CFAP90: variants seen among roughly 807,000 people sequenced by gnomAD.
The protein encoded by CFAP90 is cilia- and flagella-associated protein 90.
chr5:7,843,863 T>C, the CFAP90 span, among the ~76,000 whole-genome samples: 1 of 152,262 alleles, frequency 6.6e-6, no homozygotes, highest in Non-Finnish European at 1.5e-5. Context: ...AATATATGTG[T>C]CCATATTTGT....
chr5:7,845,791 T>C, the CFAP90 span, among the ~76,000 whole-genome samples: 1 of 152,066 alleles, frequency 6.6e-6, no homozygotes, highest in Non-Finnish European at 1.5e-5. Flanking sequence ...ACATTTTTGC[T>C]GGCAGCTTTA....
At chr5:7,838,790 C>A in the CFAP90 span, among the ~76,000 whole-genome samples, 1 of 152,084 alleles carries the variant, frequency 6.6e-6, no homozygotes, top group African/African-American at 2.4e-5. Context: ...AGAACTGAAC[C>A]CCTGGGAGAA....
At chr5:7,840,341 G>A in the CFAP90 span, among the ~76,000 whole-genome samples, 1 of 152,162 alleles carries the variant, frequency 6.6e-6, no homozygotes, top group Non-Finnish European at 1.5e-5. Flanking sequence ...TAGAGTGGAG[G>A]CCTCCAGTTT....
At chr5:7,850,846 G>T in the CFAP90 span, 1 of 1,267,412 alleles carries the variant, frequency 7.9e-7, no homozygotes. Context: ...CCAGCCTTCC[G>T]GTCTCCGCGC....
At chr5:7,850,738 C>G in the CFAP90 span, 1 of 906,786 alleles carries the variant, frequency 1.1e-6, no homozygotes, top group Non-Finnish European at 1.4e-6. Flanking sequence ...AAGACCCTTC[C>G]GCTGGGGTGA....
chr5:7,836,640 G>A, the CFAP90 span, among the ~76,000 whole-genome samples: 1 of 152,152 alleles, frequency 6.6e-6, no homozygotes. Flanking sequence ...CAATGGTCTG[G>A]GAGAAAGTCT....
the CFAP90 span, chr5:7,831,076 G>A: frequency 6.6e-6 from 1 of 152,194 alleles, no homozygotes; most frequent in Non-Finnish European, 1.5e-5. Context: ...GGAAATGTCT[G>A]CTCATGTAGA....
the CFAP90 span, among the ~76,000 whole-genome samples, chr5:7,843,669 T>C: frequency 6.6e-6 from 1 of 152,058 alleles, no homozygotes; most frequent in African/African-American, 2.4e-5. Context: ...GCCCAGCAAT[T>C]CACAACTCAG....
At chr5:7,835,951 G>C in the CFAP90 span, among the ~76,000 whole-genome samples, 1 of 152,184 alleles carries the variant, frequency 6.6e-6, no homozygotes. Context: ...CAAGTTCAAG[G>C]CCCTGTGAGA....
chr5:7,848,256 T>C, the CFAP90 span, among the ~76,000 whole-genome samples: 32 of 152,150 alleles, frequency 2.1e-4, no homozygotes, highest in Non-Finnish European at 3.8e-4. Flanking sequence ...CCTGTCTTAA[T>C]ATTCAGAGGA....
the CFAP90 span, among the ~76,000 whole-genome samples, chr5:7,833,563 T>C: frequency 6.6e-6 from 1 of 152,002 alleles, no homozygotes; most frequent in Non-Finnish European, 1.5e-5. Context: ...ATATTACACA[T>C]ATGCCCACAC....
the CFAP90 span, among the ~76,000 whole-genome samples, chr5:7,837,461 G>GT: frequency 6.6e-6 from 1 of 152,160 alleles, no homozygotes; most frequent in Admixed American, 6.5e-5. Flanking sequence ...ATGCTAGAAT[G>GT]ATTCCCTCCA....
chr5:7,831,965 A>G, the CFAP90 span: 20 of 1,614,106 alleles, frequency 1.2e-5, no homozygotes, highest in East Asian at 1.1e-4. Context: ...TAGGGGCTCA[A>G]TGGGCTGATT....
chr5:7,848,573 G>A, the CFAP90 span, among the ~76,000 whole-genome samples: 1 of 152,206 alleles, frequency 6.6e-6, no homozygotes, highest in Non-Finnish European at 1.5e-5. Flanking sequence ...CTTTCCCTGA[G>A]GCTTGTAGGC....
At chr5:7,838,990 G>T in the CFAP90 span, among the ~76,000 whole-genome samples, 1 of 152,198 alleles carries the variant, frequency 6.6e-6, no homozygotes, top group Admixed American at 6.5e-5. Flanking sequence ...ATTTATAAAA[G>T]AAAGAGGTTT....
chr5:7,840,846 A>G, the CFAP90 span, among the ~76,000 whole-genome samples: 1 of 152,198 alleles, frequency 6.6e-6, no homozygotes, highest in East Asian at 1.9e-4. Flanking sequence ...TTTGGACATG[A>G]ACATTCAGAG....
At chr5:7,849,474 C>T in the CFAP90 span, among the ~76,000 whole-genome samples, 1 of 152,198 alleles carries the variant, frequency 6.6e-6, no homozygotes, top group East Asian at 1.9e-4. Context: ...TTAGAAAGAC[C>T]TGTCCCAGTT....
chr5:7,847,657 A>T, the CFAP90 span, among the ~76,000 whole-genome samples: 1 of 152,212 alleles, frequency 6.6e-6, no homozygotes, highest in African/African-American at 2.4e-5. Flanking sequence ...CCCCAGCATT[A>T]AAGGGGCAGA....
the CFAP90 span, among the ~76,000 whole-genome samples, chr5:7,836,492 G>A: frequency 2.0e-5 from 3 of 152,248 alleles, no homozygotes; most frequent in East Asian, 5.8e-4. Context: ...ACATCTCAGG[G>A]TGATTACCCC....
Sources: gnomAD v4.1 joint callset for allele counts (sites outside exome capture counted in the v4.1 genomes callset) on GRCh38, gnomAD v4.1.1 for gene constraint, MANE v1.5 for transcripts, NCBI Gene and HGNC (gene_info 2026-07-23, HGNC 2026-07-21) for gene names.